Variants in BBS9 observed in about 807,000 individuals in gnomAD.
The protein encoded by BBS9 is Bardet-Biedl syndrome 9.
Under a neutral mutation model 117.7 loss-of-function variants are expected in BBS9, and 89 were observed. That is an observed-to-expected ratio of 0.76 (90% CI 0.64 to 0.90). The LOEUF is 0.90. Among genes scored for constraint, BBS9 ranks in the 40% least tolerant of loss-of-function variants. The pLI, the probability that BBS9 is intolerant of heterozygous loss-of-function variation, is 0.00. For synonymous variants in BBS9, 379 were observed against 370.9 expected (o/e 1.02, Z -0.25); for missense variants, 982 against 1,042.2 (o/e 0.94, Z 0.80).
intron 5 of BBS9, among the ~76,000 whole-genome samples, chr7:33,251,443 C>G (rs1268253173): frequency 1.3e-5 from 2 of 152,088 alleles, no homozygotes; most frequent in Admixed American, 1.3e-4. Context: ...CAGTCTCACC[C>G]AAACCTTATG....
chr7:33,604,641 G>A lies in BBS9; in HGVS notation c.2522-224G>A, dbSNP rs553718716. ...TAAAGACAATACTGTTGCTGCTGTTGCCAAGTCATAATCAGTATAATATGT... is the reference window on the plus strand; with the variant it reads ...TAAAGACAATACTGTTGCTGCTGTTACCAAGTCATAATCAGTATAATATGT... On this transcript the variant is annotated intron_variant, in intron 21 of 22. Coordinates refer to ENST00000242067, the MANE Select transcript of BBS9 (RefSeq NM_198428.3). 2.0e-5 allele frequency among the ~76,000 whole-genome samples: 3 copies of A among 152,252 alleles called. No homozygotes were observed. In the East Asian group the frequency reaches 5.8e-4, roughly 29 times the overall value.
intron 21 of BBS9, among the ~76,000 whole-genome samples, chr7:33,629,169 C>G (rs1178689341): frequency 2.6e-5 from 4 of 152,164 alleles, no homozygotes; most frequent in Non-Finnish European, 4.4e-5. Flanking sequence ...ACGCTGACCT[C>G]TAGGACTTAG....
chr7:33,391,672 C>A (rs940806444), intron 19 of BBS9, among the ~76,000 whole-genome samples: 1 of 152,006 alleles, frequency 6.6e-6, no homozygotes, highest in Non-Finnish European at 1.5e-5. Context: ...TTATGACTTG[C>A]GTATGTACAC....
chr7:33,274,966 G>A (rs1800477475), intron 9 of BBS9, among the ~76,000 whole-genome samples: 1 of 139,322 alleles, frequency 7.2e-6, no homozygotes, highest in South Asian at 2.3e-4. Flanking sequence ...CTGCACTCCA[G>A]CCTGGGTGAC....
chr7:33,609,941 T>C (rs896936257), downstream of BBS9, among the ~76,000 whole-genome samples: 19 of 152,176 alleles, frequency 1.2e-4, no homozygotes, highest in Admixed American at 1.1e-3. Context: ...CAACTTCCCT[T>C]TAGCCAGATT....
intron 5 of BBS9, among the ~76,000 whole-genome samples, chr7:33,185,015 A>G (rs753232449): frequency 5.3e-5 from 8 of 152,220 alleles, no homozygotes; most frequent in Non-Finnish European, 1.5e-5. Flanking sequence ...CATACAATGT[A>G]ATTCCCTGAT....
chr7:33,177,425 A>G, intron 4 of BBS9, 53 bp from the exon 5 acceptor site: 2 of 1,199,360 alleles, frequency 1.7e-6, no homozygotes, highest in East Asian at 2.3e-5. Context: ...AGAACAAATT[A>G]ATGTTTTTTA....
At chr7:33,626,379 G>T (rs1381521600) in intron 21 of BBS9, among the ~76,000 whole-genome samples, 7 of 152,210 alleles carry the variant, frequency 4.6e-5, no homozygotes, top group Admixed American at 4.6e-4. Flanking sequence ...GATTAATGCA[G>T]AAGATTGGTA....
At chr7:33,492,474 C>T (rs774988172) in intron 19 of BBS9, among the ~76,000 whole-genome samples, 8 of 152,062 alleles carry the variant, frequency 5.3e-5, no homozygotes, top group African/African-American at 1.4e-4. Context: ...ATGATGAGGA[C>T]GATCTCTGTT....
chr7:33,190,084 T>G (rs2128189360), intron 5 of BBS9, among the ~76,000 whole-genome samples: 1 of 151,550 alleles, frequency 6.6e-6, no homozygotes, highest in East Asian at 2.0e-4. Flanking sequence ...AAAAAATTTC[T>G]TTTCTTGATT....
intron 9 of BBS9, among the ~76,000 whole-genome samples, chr7:33,298,737 T>C (rs191279683): frequency 6.6e-6 from 1 of 152,266 alleles, no homozygotes; most frequent in East Asian, 1.9e-4. Flanking sequence ...TTCAAACAGT[T>C]CAAATCAGAG....
chr7:33,442,409 C>G (rs1167055860), intron 19 of BBS9, among the ~76,000 whole-genome samples: 1 of 152,056 alleles, frequency 6.6e-6, no homozygotes. Flanking sequence ...TTGTAGAATA[C>G]AGATATGAAC....
intron 19 of BBS9, among the ~76,000 whole-genome samples, chr7:33,490,931 T>G (rs1843805457): frequency 6.6e-6 from 1 of 152,170 alleles, no homozygotes; most frequent in South Asian, 2.1e-4. Context: ...GTCCTGGGTT[T>G]GAATCTTGCT....
chr7:33,187,100 A>G (rs1233478093), intron 5 of BBS9, among the ~76,000 whole-genome samples: 2 of 152,212 alleles, frequency 1.3e-5, no homozygotes, highest in African/African-American at 4.8e-5. Flanking sequence ...TTAACATGGT[A>G]TTTTACCTAG....
At position 33,605,236 on chromosome 7, in the gene BBS9, A is replaced by G; in HGVS notation, c.*10A>G. On this transcript the variant is annotated 3_prime_UTR_variant, in exon 23 of 23. Coordinates refer to ENST00000242067, the MANE Select transcript of BBS9 (RefSeq NM_198428.3). ...AGGAGTCTCGGAATAATTCAAGTAG[A>G]GTTGTTTGGTTGAGAGGAACATCCC... is the stretch of plus-strand genomic sequence containing the variant. 2.5e-6 allele frequency: 4 copies of G among 1,611,974 alleles called. No homozygotes were observed. Among genetic ancestry groups the G allele is most frequent in the Non-Finnish European group, 3.4e-6 (4 of 1,178,166 alleles).
intron 1 of BBS9, among the ~76,000 whole-genome samples, chr7:33,136,276 A>G (rs1790444335): frequency 1.3e-5 from 2 of 152,158 alleles, no homozygotes; most frequent in African/African-American, 4.8e-5. Flanking sequence ...AGGATTTTCT[A>G]TATACAAGAT....
chr7:33,273,240 A>C lies in BBS9; in HGVS notation c.886+45A>C, dbSNP rs761417032. ...TTTATCTCTTCCATATGTCAAGGCTATGTGATATACACCAGAAAAAGCCAC... is the reference window on the plus strand; with the variant it reads ...TTTATCTCTTCCATATGTCAAGGCTCTGTGATATACACCAGAAAAAGCCAC... On this transcript the variant is annotated intron_variant, in intron 8 of 22. Coordinates refer to ENST00000242067, the MANE Select transcript of BBS9 (RefSeq NM_198428.3). The C allele has an allele frequency of 3.8e-6, 6 of 1,592,764 alleles. No homozygotes were observed. In the South Asian group the frequency reaches 5.5e-5, roughly 15 times the overall value.
At chr7:33,569,704 A>G (rs1212553817) in intron 21 of BBS9, among the ~76,000 whole-genome samples, 2 of 152,034 alleles carry the variant, frequency 1.3e-5, no homozygotes, top group African/African-American at 4.8e-5. Flanking sequence ...GGAAATTGCA[A>G]TGAGCCGAGA....
At chr7:33,621,629 C>G (rs1865410631) in intron 21 of BBS9, among the ~76,000 whole-genome samples, 1 of 152,088 alleles carries the variant, frequency 6.6e-6, no homozygotes, top group Non-Finnish European at 1.5e-5. Flanking sequence ...TATGGAGATT[C>G]TTAAAAAAAT....
Sources: allele counts gnomAD v4.1 joint callset (sites outside exome capture counted in the v4.1 genomes callset), GRCh38; gene constraint gnomAD v4.1.1; transcripts MANE v1.5; gene names NCBI Gene and HGNC (gene_info 2026-07-23, HGNC 2026-07-21).